CSMD1: variants seen among roughly 807,000 people sequenced by gnomAD.
CSMD1 encodes CUB and Sushi multiple domains 1, also known as CUB and sushi domain-containing protein 1.
A neutral mutation model predicts 417.5 loss-of-function variants in CSMD1; 213 were observed. The ratio of observed to expected loss-of-function variants is 0.51; its 90% confidence interval spans 0.46 to 0.57. The LOEUF (loss-of-function observed/expected upper bound fraction) is 0.57. Among genes scored for constraint, CSMD1 ranks in the 20% least tolerant of loss-of-function variants. CSMD1 has a pLI of 0.00. For synonymous variants in CSMD1, 2,862 were observed against 1,736.8 expected, an observed-to-expected ratio of 1.65 and a Z score of -16.11; for missense variants, 6,923 against 4,529.7, an observed-to-expected ratio of 1.53 and a Z score of -15.17.
chr8:4,592,778 A>C (rs779986767), intron 2 of CSMD1, among the ~76,000 whole-genome samples: 7 of 152,166 alleles, frequency 4.6e-5, no homozygotes, highest in Non-Finnish European at 1.0e-4. Flanking sequence ...TACTTAGTTA[A>C]AATATTGTTT....
At chr8:4,141,497 T>C (rs561024225) in intron 3 of CSMD1, among the ~76,000 whole-genome samples, 1 of 151,154 alleles carries the variant, frequency 6.6e-6, no homozygotes, top group Non-Finnish European at 1.5e-5. Context: ...GTCTTCACAA[T>C]AATCCTGAGA....
intron 3 of CSMD1, among the ~76,000 whole-genome samples, chr8:4,217,179 G>T (rs531402039): frequency 1.1e-4 from 17 of 152,076 alleles, no homozygotes; most frequent in Non-Finnish European, 1.9e-4. Flanking sequence ...TTTTCATGCC[G>T]CTGCTTATCA....
intron 2 of CSMD1, among the ~76,000 whole-genome samples, chr8:4,448,313 T>C (rs1326342290): frequency 6.6e-6 from 1 of 152,206 alleles, no homozygotes; most frequent in Non-Finnish European, 1.5e-5. Flanking sequence ...TGTTTGCCGA[T>C]CTAGGAGGAT....
At chr8:4,942,912 A>C (rs1808109223) in intron 1 of CSMD1, among the ~76,000 whole-genome samples, 1 of 152,204 alleles carries the variant, frequency 6.6e-6, no homozygotes, top group Admixed American at 6.5e-5. Flanking sequence ...ACATTGAAAC[A>C]ATGGTTTGGA....
intron 1 of CSMD1, among the ~76,000 whole-genome samples, chr8:4,852,036 T>C (rs574249376): frequency 2.0e-5 from 3 of 152,314 alleles, no homozygotes; most frequent in African/African-American, 7.2e-5. Context: ...CTGTAATACC[T>C]CCTCAGCAGG....
At chr8:4,900,268 G>C (rs1048788150) in intron 1 of CSMD1, among the ~76,000 whole-genome samples, 2 of 152,022 alleles carry the variant, frequency 1.3e-5, no homozygotes, top group Admixed American at 1.3e-4. Context: ...ACCTTCTTTC[G>C]CACTTTGAAT....
At chr8:3,665,914 G>C (rs969329662) in intron 7 of CSMD1, among the ~76,000 whole-genome samples, 2 of 152,094 alleles carry the variant, frequency 1.3e-5, no homozygotes, top group South Asian at 2.1e-4. Context: ...GTCGCACTCT[G>C]TCACCCAGGC....
chr8:3,125,423 G>A (rs74924772), intron 41 of CSMD1, among the ~76,000 whole-genome samples: 1,743 of 152,210 alleles, frequency 0.011, 24 homozygotes, highest in Middle Eastern at 0.054. Context: ...CTCATAAATG[G>A]GTTGTAAACA....
At chr8:3,863,319 C>T (rs1229544793) in intron 5 of CSMD1, among the ~76,000 whole-genome samples, 4 of 151,466 alleles carry the variant, frequency 2.6e-5, no homozygotes, top group Non-Finnish European at 5.9e-5. Context: ...ATCGCTTGAA[C>T]CCAGGAGATG....
chr8:2,938,982 T>A (rs1801679317), intron 69 of CSMD1, among the ~76,000 whole-genome samples: 1 of 152,226 alleles, frequency 6.6e-6, no homozygotes, highest in Non-Finnish European at 1.5e-5. Flanking sequence ...AAAATTTTTT[T>A]GAGACAGGGT....
chr8:3,599,355 A>C (rs1040758815), intron 8 of CSMD1, among the ~76,000 whole-genome samples: 1 of 152,158 alleles, frequency 6.6e-6, no homozygotes, highest in Non-Finnish European at 1.5e-5. Flanking sequence ...GCAACACGGC[A>C]TTATTAACCC....
At chr8:4,930,544 G>C (rs1263961952) in intron 1 of CSMD1, among the ~76,000 whole-genome samples, 2 of 152,132 alleles carry the variant, frequency 1.3e-5, no homozygotes, top group African/African-American at 4.8e-5. Context: ...ATTCCTTGCA[G>C]CAGCATATAT....
At chr8:4,429,486 G>T (rs1258504314) in intron 2 of CSMD1, among the ~76,000 whole-genome samples, 1 of 150,294 alleles carries the variant, frequency 6.7e-6, no homozygotes, top group East Asian at 2.0e-4. Flanking sequence ...TGTCAATTGG[G>T]AAACAGATTA....
chr8:3,384,996 G>A (rs1810902400), intron 18 of CSMD1, among the ~76,000 whole-genome samples: 1 of 94,784 alleles, frequency 1.1e-5, no homozygotes, highest in African/African-American at 4.3e-5. Flanking sequence ...TAATACATAT[G>A]CTATTTATAT....
chr8:4,009,300 G>A (rs1160480076), intron 4 of CSMD1, among the ~76,000 whole-genome samples: 1 of 152,108 alleles, frequency 6.6e-6, no homozygotes, highest in African/African-American at 2.4e-5. Flanking sequence ...TAGAATTTTT[G>A]TGCCCCTTTT....
intron 7 of CSMD1, among the ~76,000 whole-genome samples, chr8:3,629,059 C>G (rs951741189): frequency 6.6e-6 from 1 of 152,036 alleles, no homozygotes; most frequent in Non-Finnish European, 1.5e-5. Context: ...GGGGAACAGA[C>G]AGTTATCGAC....
intron 1 of CSMD1, among the ~76,000 whole-genome samples, chr8:4,977,549 C>G (rs146577679): frequency 1.2e-3 from 179 of 152,316 alleles, no homozygotes; most frequent in African/African-American, 4.1e-3. Flanking sequence ...GGGAACACAG[C>G]GCACAGTGGC....
chr8:4,925,428 C>T (rs747212797), intron 1 of CSMD1, among the ~76,000 whole-genome samples: 2 of 151,832 alleles, frequency 1.3e-5, no homozygotes, highest in African/African-American at 2.4e-5. Context: ...ACCTTTCCTA[C>T]AGAACTTACT....
At chr8:3,363,620 C>G (rs146477500) in intron 20 of CSMD1, among the ~76,000 whole-genome samples, 2 of 152,052 alleles carry the variant, frequency 1.3e-5, no homozygotes, top group African/African-American at 4.8e-5. Context: ...CTCCGCTTCC[C>G]GGGTTCACTC....
Sources: allele counts gnomAD v4.1 joint callset (sites outside exome capture counted in the v4.1 genomes callset), GRCh38; gene constraint gnomAD v4.1.1; transcripts MANE v1.5; gene names NCBI Gene and HGNC (gene_info 2026-07-23, HGNC 2026-07-21).